Variants in NDST3 observed in about 807,000 individuals in gnomAD.
The protein encoded by NDST3 is bifunctional heparan sulfate N-deacetylase/N-sulfotransferase 3.
Under a neutral mutation model 96.1 loss-of-function variants are expected in NDST3, and 58 were observed. The observed-to-expected ratio is 0.60, with a 90% confidence interval of 0.49 to 0.75. The LOEUF is 0.75. Among genes scored for constraint, NDST3 ranks in the 30% least tolerant of loss-of-function variants. The pLI is 0.00. For synonymous variants in NDST3, 333 were observed against 359.7 expected, an observed-to-expected ratio of 0.93 and a Z score of 0.84; for missense variants, 788 against 1,034.2, an observed-to-expected ratio of 0.76 and a Z score of 3.27.
chr4:118,116,770 A>G (rs1226724699), intron 4 of NDST3, among the ~76,000 whole-genome samples: 3 of 152,112 alleles, frequency 2.0e-5, no homozygotes, highest in African/African-American at 7.2e-5. Context: ...AGGCAGGAGA[A>G]TGGTATGAAC....
intron 6 of NDST3, among the ~76,000 whole-genome samples, chr4:118,172,722 G>A (rs554877333): frequency 2.0e-5 from 3 of 152,172 alleles, no homozygotes; most frequent in African/African-American, 7.2e-5. Context: ...GATTAAAAGT[G>A]CTAAGATGAG....
intron 6 of NDST3, among the ~76,000 whole-genome samples, chr4:118,189,483 A>T (rs1438801481): frequency 6.6e-6 from 1 of 152,230 alleles, no homozygotes; most frequent in Non-Finnish European, 1.5e-5. Context: ...TTGAAGGTCA[A>T]AAAACACAAT....
chr4:118,057,126 T>C (rs1185024995), intron 2 of NDST3, among the ~76,000 whole-genome samples: 1 of 151,936 alleles, frequency 6.6e-6, no homozygotes, highest in Non-Finnish European at 1.5e-5. Flanking sequence ...GGAAGTAAAA[T>C]TGAACAACTT....
chr4:118,197,289 T>C (rs1259418556), intron 6 of NDST3, among the ~76,000 whole-genome samples: 1 of 152,192 alleles, frequency 6.6e-6, no homozygotes, highest in African/African-American at 2.4e-5. Flanking sequence ...ATAATCTATA[T>C]GCTGGGGAAA....
intron 10 of NDST3, among the ~76,000 whole-genome samples, chr4:118,238,165 AAGAAAGAAAGAAAG>A (rs1171269659): frequency 7.3e-5 from 3 of 41,242 alleles, no homozygotes; most frequent in Non-Finnish European, 1.5e-4. Context: ...AAAAGAAAGA[AAGAAAGAAAGAAAG>A]AAAGAAAGAA....
intron 2 of NDST3, among the ~76,000 whole-genome samples, chr4:118,069,937 A>G (rs2892787): frequency 0.75 from 114,271 of 151,842 alleles, 45,657 homozygotes; most frequent in South Asian, 0.92. Flanking sequence ...AAGTTTAAAA[A>G]GTTTTATTAA....
intron 6 of NDST3, among the ~76,000 whole-genome samples, chr4:118,204,842 GT>G: frequency 6.9e-6 from 1 of 144,410 alleles, no homozygotes; most frequent in East Asian, 2.0e-4. Context: ...AATTTGATTA[GT>G]TTAGAAAGCA....
chr4:118,080,904 A>T (rs769910478), intron 2 of NDST3, among the ~76,000 whole-genome samples: 6 of 152,198 alleles, frequency 3.9e-5, no homozygotes, highest in African/African-American at 1.4e-4. Context: ...AAAACCAAAG[A>T]TGAATCTAGG....
chr4:118,091,921 T>A lies in NDST3; in HGVS notation c.982-13097T>A, dbSNP rs150355399. ...TATTTATTGTTATACATACTTATGA[T>A]GACTTTAAATCCTTTTTATAGAATT... On this transcript the variant is annotated intron_variant, in intron 2 of 13. Transcript: ENST00000296499. 1.8e-3 allele frequency among the ~76,000 whole-genome samples: 267 copies of A among 151,886 alleles called. 1 individual carries two copies. Among genetic ancestry groups the A allele is most frequent in the African/African-American group, 6.1e-3 (254 of 41,506 alleles).
At chr4:118,045,169 C>T (rs1464557051) in intron 1 of NDST3, among the ~76,000 whole-genome samples, 7 of 152,124 alleles carry the variant, frequency 4.6e-5, no homozygotes, top group Non-Finnish European at 1.0e-4. Context: ...CAATATTGTG[C>T]TCATTCCTGC....
intron 6 of NDST3, among the ~76,000 whole-genome samples, chr4:118,197,171 T>C (rs1455910044): frequency 1.3e-5 from 2 of 152,178 alleles, no homozygotes; most frequent in African/African-American, 4.8e-5. Context: ...TTGTTATTGA[T>C]TTCTAGTTTT....
At chr4:118,075,468 A>G (rs1727447910) in intron 2 of NDST3, among the ~76,000 whole-genome samples, 1 of 152,188 alleles carries the variant, frequency 6.6e-6, no homozygotes, top group Admixed American at 6.5e-5. Context: ...TTGAGGAATC[A>G]CCACACTGTC....
intron 2 of NDST3, among the ~76,000 whole-genome samples, chr4:118,066,139 T>C (rs1164360639): frequency 2.8e-4 from 9 of 31,844 alleles, no homozygotes; most frequent in Non-Finnish European, 8.8e-5. Context: ...TTATATAATA[T>C]ATTTTATATA....
chr4:118,160,862 T>A (rs994985831), intron 6 of NDST3, among the ~76,000 whole-genome samples: 3 of 152,132 alleles, frequency 2.0e-5, no homozygotes, highest in African/African-American at 7.2e-5. Flanking sequence ...AGCCTTCTTC[T>A]CTCAACTCGT....
At chr4:118,215,245 G>A (rs1417642383) in intron 6 of NDST3, among the ~76,000 whole-genome samples, 2 of 152,104 alleles carry the variant, frequency 1.3e-5, no homozygotes, top group Admixed American at 6.6e-5. Context: ...GTAATGTGGA[G>A]AAGGAAGAAT....
rs1232265763 is a variant in NDST3 at position 118,233,032 on chromosome 4, T to C, written c.1840T>C (p.Phe614Leu). 6.2e-7 allele frequency: 1 copy of C among 1,613,384 alleles called. No homozygotes were observed. Among genetic ancestry groups the C allele is most frequent in the Non-Finnish European group, 8.5e-7 (1 of 1,179,532 alleles). The stretch of plus-strand genomic sequence containing the variant: ...TCTAGGTACCACTGCTTTGTATTTG[T>C]TCCTGGTTATGCATCCTTCCATCCT... Reference protein sequence around the residue: ...QKTGTTALYLFLVMHPSILSN... With the variant: ...QKTGTTALYLLLVMHPSILSN... Residue 614 changes from phenylalanine to leucine, a missense_variant, in exon 9 of 14, where the codon TTC becomes CTC. Around this residue, in one of 3 missense-constraint regions of NDST3, gnomAD observed 490 missense variants for 708.8 expected, o/e 0.69. Coordinates refer to ENST00000296499, the MANE Select transcript of NDST3 (RefSeq NM_004784.3).
Position 118,255,810 on chromosome 4 carries a change from C to T in NDST3, c.*98C>T, listed in dbSNP as rs1742085347. On this transcript the variant is annotated 3_prime_UTR_variant, in exon 14 of 14. Transcript: ENST00000296499. ...AAGGCAGTTGAAAAATATACCTCTT[C>T]AAATGAGAAAAAAGAACAGTTTCTT... 7.7e-7 allele frequency: 1 copy of T among 1,304,554 alleles called. No homozygotes were observed. Among genetic ancestry groups the T allele is most frequent in the African/African-American group, 1.5e-5 (1 of 66,940 alleles). The allele number at this position is 1,304,554 out of a possible 1,614,324, so 80.8% of individuals were successfully genotyped here.
At chr4:118,084,743 A>T (rs1293637169) in intron 2 of NDST3, among the ~76,000 whole-genome samples, 2 of 152,246 alleles carry the variant, frequency 1.3e-5, no homozygotes, top group Non-Finnish European at 2.9e-5. Flanking sequence ...AATAAAGGTT[A>T]AAAACATGCC....
intron 6 of NDST3, among the ~76,000 whole-genome samples, chr4:118,149,236 G>A (rs577933267): frequency 7.2e-5 from 11 of 152,146 alleles, no homozygotes; most frequent in South Asian, 2.1e-4. Context: ...TTGGCGATGC[G>A]GGCTCTTTTT....
Sources: allele counts gnomAD v4.1 joint callset (sites outside exome capture counted in the v4.1 genomes callset), GRCh38; gene constraint gnomAD v4.1.1; regional missense constraint gnomAD v4.1.1; transcripts MANE v1.5; gene names NCBI Gene and HGNC (gene_info 2026-07-23, HGNC 2026-07-21).